Variants in KRT17 observed in about 807,000 individuals in gnomAD.
The protein encoded by KRT17 is keratin 17.
KRT17 carries 29 observed loss-of-function variants against 45.6 expected under a neutral mutation model. The ratio of observed to expected loss-of-function variants is 0.64; its 90% CI spans 0.47 to 0.87. KRT17 has a LOEUF of 0.87. Among genes scored for constraint, KRT17 ranks in the 40% least tolerant of loss-of-function variants. KRT17 has a pLI of 0.00. For missense variants in KRT17, 536 were observed against 577.8 expected (o/e 0.93, Z 0.74); for synonymous variants, 219 against 234.6 (o/e 0.93, Z 0.61).
rs1908508375 is a variant in KRT17 at position 41,620,736 on chromosome 17, T to C, written c.1104A>G (p.Lys368=). Residue 368 remains lysine, a synonymous_variant, in exon 6 of 8, where the codon AAA becomes AAG. Coordinates refer to ENST00000311208, the MANE Select transcript of KRT17 (RefSeq NM_000422.3). The part of the protein sequence containing the change: ...CEMEQQNQEY[K]ILLDVKTRLE... The stretch of plus-strand genomic sequence containing the variant: ...GCCGCGTCTTCACATCCAGCAGGAT[T>C]TTGTATTCCTGGTTCTGCTGCTCCA... The C allele has an allele frequency of 6.2e-7, 1 of 1,612,292 alleles. No homozygotes were observed. The highest frequency in any genetic ancestry group is 2.2e-5 in the East Asian group (1 of 44,868).
Position 41,620,888 on chromosome 17 carries a change from G to A in KRT17, c.961-9C>T, listed in dbSNP as rs1319395039. On this transcript the variant is annotated splice_polypyrimidine_tract_variant and intron_variant, in intron 5 of 7. Coordinates refer to ENST00000311208, the MANE Select transcript of KRT17 (RefSeq NM_000422.3). ...CCCTCCAGGGATGCTTTCTGCAGGA[G>A]GGCAGGAAGACCAGGGGTCAGTGAG... The A allele has an allele frequency of 6.8e-6, 11 of 1,613,986 alleles. No homozygotes were observed. The highest frequency in any genetic ancestry group is 1.1e-5 in the South Asian group (1 of 91,076).
At chr17:41,621,565 G>C (rs1484175523) in intron 4 of KRT17, 28 bp downstream of exon 4, 1 of 1,611,928 alleles carries the variant, frequency 6.2e-7, no homozygotes, top group East Asian at 2.2e-5. Context: ...GCCCCTAAGA[G>C]AGCCCTCTGG....
Position 41,624,300 on chromosome 17 carries a change from G to A in KRT17, c.210C>T (p.Gly70=). Residue 70 remains glycine (G), a synonymous_variant, in exon 1 of 8, where the codon GGC becomes GGT. Transcript: ENST00000311208. The part of the protein sequence containing the change: ...CYSFGSGGGY[G]SSFGGVDGLL... ...GCCCATCAACACCCCCAAAGCTGCT[G>A]CCATAGCCACCACCAGAGCCAAAGC... 2 of 1,612,220 alleles carry A rather than the reference G, an allele frequency of 1.2e-6. No individual in the cohort carries two copies. Among genetic ancestry groups the A allele is most frequent in the Non-Finnish European group, 1.7e-6 (2 of 1,179,964 alleles).
chr17:41,619,627 G>T lies in KRT17; in HGVS notation c.1266C>A (p.Ser422=), dbSNP rs1342127426. 2 of 1,612,204 alleles carry T rather than the reference G, an allele frequency of 1.2e-6. No individual in the cohort carries two copies. The highest frequency in any genetic ancestry group is 2.2e-5 in the South Asian group (2 of 91,002). ...VEEVQDGKVI[S]SREQVHQTTR is the part of the protein sequence containing the mutation. Reference sequence around the variant, plus strand: ...TGGTCTGGTGGACCTGCTCGCGGGAGGAGATGACCTTGCCATCCTGGACCT... The same window carrying T: ...TGGTCTGGTGGACCTGCTCGCGGGATGAGATGACCTTGCCATCCTGGACCT... Residue 422 remains serine (S), a synonymous_variant, in exon 8 of 8, where the codon TCC becomes TCA. Coordinates refer to ENST00000311208, the MANE Select transcript of KRT17 (RefSeq NM_000422.3).
In KRT17 at chr17:41,621,483, C is replaced by A. The variant is rs1348892019; in HGVS notation, c.834+110G>T. ...GTGGGTGACCCTGTGGTCCATGCAG[C>A]TTACTGAGGAGGGGCACCTCCAAGA... On this transcript the variant is annotated intron_variant, in intron 4 of 7. Transcript: ENST00000311208. 4 of 1,360,130 alleles carry A rather than the reference C, an allele frequency of 2.9e-6. No individual in the cohort carries two copies. The East Asian group carries it at 9.2e-5, about 31-fold the overall frequency. 84.3% of individuals were successfully genotyped at this position (1,360,130 alleles called of 1,614,324 possible).
chr17:41,621,500 C>T lies in KRT17; in HGVS notation c.834+93G>A, dbSNP rs1228256059. Reference sequence around the variant, plus strand: ...CCATGCAGCTTACTGAGGAGGGGCACCTCCAAGACATCTGGCCGTGGGCTT... The same window carrying T: ...CCATGCAGCTTACTGAGGAGGGGCATCTCCAAGACATCTGGCCGTGGGCTT... On this transcript the variant is annotated intron_variant, in intron 4 of 7. Coordinates refer to ENST00000311208, the MANE Select transcript of KRT17 (RefSeq NM_000422.3). 3.3e-6 allele frequency: 5 copies of T among 1,503,396 alleles called. No individual in the cohort carries two copies. In the African/African-American group the frequency reaches 6.9e-5, roughly 21 times the overall value. The allele number at this position is 1,503,396 out of a possible 1,614,324, so 93.1% of individuals were successfully genotyped here.
In KRT17 at chr17:41,624,405, C is replaced by T. The variant is rs779110177; in HGVS notation, c.105G>A (p.Leu35=). The T allele has an allele frequency of 1.9e-6, 3 of 1,610,458 alleles. No individual in the cohort carries two copies. In the Admixed American group the frequency reaches 5.0e-5, roughly 27 times the overall value. The change falls in exon 1 of 8, where the codon CTG becomes CTA. Residue 35 remains leucine (L), a synonymous_variant. Coordinates refer to ENST00000311208, the MANE Select transcript of KRT17 (RefSeq NM_000422.3). ...ATCCCAGCCTGCAGGAGCCGGCACC[C>T]AGGCCGCCAGACAGCCGGCAGGAGG... ...SRTSCRLSGG[L]GAGSCRLGSA...
At position 41,619,704 on chromosome 17, in the gene KRT17, G is replaced by A. The variant is rs1312103219; in HGVS notation, c.1205-16C>T. ...GTGGTCACCGCTGCAGGAGAAGCAGGCAATTTAAAGTGGGTAGGGGCCAGG... is the reference window on the plus strand; with the variant it reads ...GTGGTCACCGCTGCAGGAGAAGCAGACAATTTAAAGTGGGTAGGGGCCAGG... On this transcript the variant is annotated splice_polypyrimidine_tract_variant and intron_variant, in intron 7 of 7. Coordinates refer to ENST00000311208, the MANE Select transcript of KRT17 (RefSeq NM_000422.3). 6.2e-6 allele frequency: 10 copies of A among 1,612,158 alleles called. No individual in the cohort carries two copies. The highest frequency in any genetic ancestry group is 8.5e-6 in the Non-Finnish European group (10 of 1,179,974).
intron 1 of KRT17, chr17:41,623,383 G>A (rs560661162): frequency 8.5e-5 from 27 of 319,326 alleles, no homozygotes; most frequent in Middle Eastern, 1.1e-3. Flanking sequence ...CAACCCCCTC[G>A]TTTTACAGTC....
At position 41,621,032 on chromosome 17, in the gene KRT17, A is replaced by C. The variant is rs749226489; in HGVS notation, c.894T>G (p.Ser298Arg). The C allele has an allele frequency of 1.9e-6, 3 of 1,613,420 alleles. No individual in the cohort carries two copies. Among genetic ancestry groups the C allele is most frequent in the Non-Finnish European group, 1.7e-6 (2 of 1,179,876 alleles). Reference sequence around the variant, plus strand: ...TGGTGCGCCGGAGCTCCGAGATCTCACTCTTGCCACTCTGCACCAGCTCAC... The same window carrying C: ...TGGTGCGCCGGAGCTCCGAGATCTCCCTCTTGCCACTCTGCACCAGCTCAC... Reference protein sequence around the residue: ...TNSELVQSGKSEISELRRTMQ... With the variant: ...TNSELVQSGKREISELRRTMQ... The change falls in exon 5 of 8, where the codon AGT becomes AGG. Residue 298 changes from serine to arginine, a missense_variant. Transcript: ENST00000311208.
At chr17:41,624,022 G>A (rs749566735) in intron 1 of KRT17, 56 bp downstream of exon 1, 3 of 1,610,458 alleles carry the variant, frequency 1.9e-6, no homozygotes, top group Non-Finnish European at 2.5e-6. Flanking sequence ...GCCAAGGCAG[G>A]AGTTGGGGGG....
At chr17:41,622,805 ACTAAGGAGTGG>A in intron 2 of KRT17, 134 bp downstream of exon 2, 2 of 774,514 alleles carry the variant, frequency 2.6e-6, no homozygotes, top group African/African-American at 1.7e-5. Context: ...TGCATCCTGG[ACTAAGGAGTGG>A]GGCTCCTAGG....
rs1366592029 is a variant in KRT17 at position 41,624,322 on chromosome 17, AAGCTGTAGC to A, written c.179_187del (p.Cys60_Ser62del). The A allele has an allele frequency of 1.9e-6, 3 of 1,612,040 alleles. No individual in the cohort carries two copies. The South Asian group carries it at 3.3e-5, about 18-fold the overall frequency. On this transcript the variant is annotated inframe_deletion, in exon 1 of 8. Transcript: ENST00000311208. ...GCTGCCATAGCCACCACCAGAGCCA[AAGCTGTAGC>A]AGCTGGAGTAGCTGCTACCCCCGAG...
At chr17:41,619,764 G>C (rs1455546200) in intron 7 of KRT17, 76 bp from the exon 8 acceptor site, 1 of 1,607,222 alleles carries the variant, frequency 6.2e-7, no homozygotes, top group Admixed American at 1.7e-5. Flanking sequence ...TCATGGACAG[G>C]AGCCGGCTCT....
In KRT17 at chr17:41,620,995, C is replaced by T; in HGVS notation, c.931G>A (p.Glu311Lys). The T allele has an allele frequency of 2.5e-6, 4 of 1,614,208 alleles. No individual in the cohort carries two copies. Among genetic ancestry groups the T allele is most frequent in the Non-Finnish European group, 3.4e-6 (4 of 1,180,036 alleles). Residue 311 changes from glutamate to lysine, a missense_variant, in exon 5 of 8, where the codon GAG (glutamate) becomes AAG (lysine). Coordinates refer to ENST00000311208, the MANE Select transcript of KRT17 (RefSeq NM_000422.3). ...SELRRTMQAL[E>K]IELQSQLSMK... ...CTGAGCTGGGACTGCAGCTCTATCTCCAAGGCCTGCATGGTGCGCCGGAGC... is the reference window on the plus strand; with the variant it reads ...CTGAGCTGGGACTGCAGCTCTATCTTCAAGGCCTGCATGGTGCGCCGGAGC...
At position 41,621,675 on chromosome 17, in the gene KRT17, C is replaced by G. The variant is rs773674040; in HGVS notation, c.752G>C (p.Arg251Pro). The G allele has an allele frequency of 1.2e-6, 2 of 1,612,156 alleles. No individual in the cohort carries two copies. The highest frequency in any genetic ancestry group is 1.7e-6 in the Non-Finnish European group (2 of 1,179,870). ...MDAAPGVDLS[R>P]ILNEMRDQYE... ...CTGGTCACGCATCTCGTTGAGGATG[C>G]GGCTCAGGTCCACGCCTGGGGCAGC... Residue 251 changes from arginine (R) to proline (P), a missense_variant, in exon 4 of 8, where the codon CGC becomes CCC. Coordinates refer to ENST00000311208, the MANE Select transcript of KRT17 (RefSeq NM_000422.3).
chr17:41,623,406 C>G, intron 1 of KRT17: 1 of 285,654 alleles, frequency 3.5e-6, no homozygotes, highest in Non-Finnish European at 6.8e-6. Context: ...CTAGAGGGTG[C>G]CCCTGACAGG....
Position 41,624,475 on chromosome 17 carries a change from C to G in KRT17, c.35G>C (p.Ser12Thr). 1 of 1,610,412 alleles carries G rather than the reference C, an allele frequency of 6.2e-7. No homozygotes were observed. Among genetic ancestry groups the G allele is most frequent in the East Asian group, 2.2e-5 (1 of 44,868 alleles). Residue 12 changes from serine (S) to threonine (T), a missense_variant, in exon 1 of 8, where the codon AGC becomes ACC. By Grantham distance (58) the Ser-to-Thr change is moderately conservative. Transcript: ENST00000311208. ...TTSIRQFTSS[S>T]SIKGSSGLGG... is the part of the protein sequence containing the mutation. ...CAGGCCGGAGGAGCCCTTGATGGAG[C>G]TGGAGGAGGTGAACTGGCGGATGGA... is the stretch of plus-strand genomic sequence containing the variant.
intron 4 of KRT17, 49 bp downstream of exon 4, chr17:41,621,544 C>G (rs538055910): frequency 2.5e-6 from 4 of 1,610,620 alleles, no homozygotes; most frequent in Non-Finnish European, 3.4e-6. Flanking sequence ...TGCTAAGGCC[C>G]CTGAGCCCCA....
Sources: gnomAD v4.1 joint callset for allele counts on GRCh38, gnomAD v4.1.1 for gene constraint, MANE v1.5 for transcripts, NCBI Gene and HGNC (gene_info 2026-07-23, HGNC 2026-07-21) for gene names.